RAD51B: variants seen among roughly 807,000 people sequenced by gnomAD.
The protein encoded by RAD51B is DNA repair protein RAD51 homolog 2.
RAD51B carries 38 observed loss-of-function variants against 42.2 expected under a neutral mutation model. The ratio of observed to expected loss-of-function variants is 0.90; its 90% CI spans 0.70 to 1.18. The LOEUF (loss-of-function observed/expected upper bound fraction) is 1.18, where lower values mean the gene tolerates loss of function less well. RAD51B is among the 50% of genes most tolerant of loss of function. The pLI is 0.00. For missense variants in RAD51B, 373 were observed against 400.7 expected, an observed-to-expected ratio of 0.93 and a Z score of 0.59; for synonymous variants, 154 against 145.2, an observed-to-expected ratio of 1.06 and a Z score of -0.43.
rs557147056 is a variant in RAD51B at position 67,953,651 on chromosome 14, G to A, written c.756+66447G>A. The stretch of plus-strand genomic sequence containing the variant: ...GAGAGAGAATAAGGCCTAACATAAG[G>A]TGTGGCAGTGGAGACGGAAAAGAAA... On this transcript the variant is annotated intron_variant, in intron 7 of 10. Transcript: ENST00000471583. Among the ~76,000 whole-genome samples the A allele has an allele frequency of 1.6e-4, 25 of 152,206 alleles. No individual in the cohort carries two copies. The South Asian group carries it at 3.9e-3, about 24-fold the overall frequency.
At chr14:68,024,493 T>A (rs2075920118) in intron 7 of RAD51B, among the ~76,000 whole-genome samples, 1 of 152,182 alleles carries the variant, frequency 6.6e-6, no homozygotes, top group Non-Finnish European at 1.5e-5. Context: ...CTTCATTTAT[T>A]TGTGTCATCT....
chr14:67,933,459 T>A (rs576923544), intron 7 of RAD51B, among the ~76,000 whole-genome samples: 1 of 152,318 alleles, frequency 6.6e-6, no homozygotes, highest in Admixed American at 6.5e-5. Flanking sequence ...CAGCATGAGT[T>A]CCTTGTCTGG....
intron 8 of RAD51B, among the ~76,000 whole-genome samples, chr14:68,363,428 A>G (rs1192684759): frequency 6.6e-6 from 1 of 152,210 alleles, no homozygotes; most frequent in Non-Finnish European, 1.5e-5. Flanking sequence ...ATCTGTTAAT[A>G]TATCATGTTT....
At chr14:67,886,101 T>A in intron 6 of RAD51B, 113 bp downstream of exon 6, 1 of 889,532 alleles carries the variant, frequency 1.1e-6, no homozygotes, top group Non-Finnish European at 1.6e-6. Flanking sequence ...TTATGTGGAG[T>A]AACTTTTTCA....
At chr14:67,828,110 T>G (rs2040895913) in intron 3 of RAD51B, among the ~76,000 whole-genome samples, 1 of 152,146 alleles carries the variant, frequency 6.6e-6, no homozygotes. Context: ...CCACCAACAG[T>G]GTAAAAGCAT....
At chr14:67,997,892 G>A (rs1459650679) in intron 7 of RAD51B, among the ~76,000 whole-genome samples, 1 of 152,124 alleles carries the variant, frequency 6.6e-6, no homozygotes, top group Non-Finnish European at 1.5e-5. Flanking sequence ...ATTATTAATA[G>A]TAATATGGAA....
intron 10 of RAD51B, among the ~76,000 whole-genome samples, chr14:68,602,303 T>G (rs1268526398): frequency 6.6e-6 from 1 of 151,876 alleles, no homozygotes; most frequent in Non-Finnish European, 1.5e-5. Flanking sequence ...CACACAAACA[T>G]AGACATATGT....
intron 7 of RAD51B, among the ~76,000 whole-genome samples, chr14:68,106,001 G>T (rs424032): frequency 0.039 from 5,889 of 151,670 alleles, 296 homozygotes; most frequent in African/African-American, 0.11. Flanking sequence ...GTGTTATTGC[G>T]GTGTTTTAAA....
chr14:67,856,088 A>G (rs2041990320), intron 4 of RAD51B, among the ~76,000 whole-genome samples: 1 of 152,222 alleles, frequency 6.6e-6, no homozygotes. Flanking sequence ...GAATGATTAT[A>G]TCCCTTAATA....
At chr14:67,961,559 G>C (rs1323752745) in intron 7 of RAD51B, among the ~76,000 whole-genome samples, 1 of 152,106 alleles carries the variant, frequency 6.6e-6, no homozygotes, top group African/African-American at 2.4e-5. Context: ...TATACATTTT[G>C]ACATAAAGAT....
chr14:68,297,490 T>A (rs2081637476), intron 8 of RAD51B, among the ~76,000 whole-genome samples: 1 of 152,206 alleles, frequency 6.6e-6, no homozygotes, highest in African/African-American at 2.4e-5. Flanking sequence ...TTGGTCAAGT[T>A]AGCAGAAATC....
At chr14:68,540,476 G>A in intron 10 of RAD51B, 1 of 985,342 alleles carries the variant, frequency 1.0e-6, no homozygotes, top group Non-Finnish European at 1.2e-6. Context: ...GTGGAAATGA[G>A]AGACTTATTT....
At chr14:67,914,692 AT>A (rs1171536920) in intron 7 of RAD51B, among the ~76,000 whole-genome samples, 1 of 152,176 alleles carries the variant, frequency 6.6e-6, no homozygotes, top group South Asian at 2.1e-4. Flanking sequence ...GTTGATCCTC[AT>A]TTTTTTGTAG....
intron 10 of RAD51B, among the ~76,000 whole-genome samples, chr14:68,637,863 CATTT>C (rs1468263284): frequency 6.6e-6 from 1 of 152,224 alleles, no homozygotes; most frequent in African/African-American, 2.4e-5. Flanking sequence ...TGGGACCATT[CATTT>C]AGAGGCCCCC....
At chr14:68,524,345 G>A (rs1886787227) in intron 10 of RAD51B, among the ~76,000 whole-genome samples, 1 of 152,206 alleles carries the variant, frequency 6.6e-6, no homozygotes, top group African/African-American at 2.4e-5. Context: ...CTGAAACTGA[G>A]AGATGGCCAG....
chr14:68,661,583 G>C (rs752534515), intron 11 of RAD51B, among the ~76,000 whole-genome samples: 31 of 152,226 alleles, frequency 2.0e-4, no homozygotes, highest in Non-Finnish European at 3.8e-4. Flanking sequence ...ATGCTCCAAA[G>C]TTTGAAAACT....
intron 7 of RAD51B, among the ~76,000 whole-genome samples, chr14:68,025,043 T>C (rs967160675): frequency 6.6e-6 from 1 of 152,074 alleles, no homozygotes; most frequent in Non-Finnish European, 1.5e-5. Flanking sequence ...CTGTTGAGGG[T>C]TTTTTTAATC....
chr14:67,982,635 T>G (rs1188389842), intron 7 of RAD51B, among the ~76,000 whole-genome samples: 1 of 152,128 alleles, frequency 6.6e-6, no homozygotes, highest in Admixed American at 6.5e-5. Context: ...GCAATCTTCG[T>G]TTTTTGAAAA....
At chr14:68,443,849 A>AC (rs2085357917) in intron 9 of RAD51B, among the ~76,000 whole-genome samples, 1 of 152,148 alleles carries the variant, frequency 6.6e-6, no homozygotes, top group South Asian at 2.1e-4. Flanking sequence ...TTTAAAAAAA[A>AC]AAAACAAAAC....
Sources: allele counts gnomAD v4.1 joint callset (sites outside exome capture counted in the v4.1 genomes callset), GRCh38; gene constraint gnomAD v4.1.1; transcripts MANE v1.5; gene names NCBI Gene and HGNC (gene_info 2026-07-23, HGNC 2026-07-21).